Variants in AGBL1 observed in about 807,000 individuals in gnomAD.
AGBL1 encodes cytosolic carboxypeptidase 4.
Under a neutral mutation model 118.9 loss-of-function variants are expected in AGBL1, and 130 were observed. The observed-to-expected ratio is 1.09, with a 90% CI of 0.95 to 1.26. The LOEUF is 1.26. AGBL1 is among the 50% of genes most tolerant of loss of function. The pLI, the probability that AGBL1 is intolerant of heterozygous loss-of-function variation, is 0.00. For missense variants in AGBL1, 1,584 were observed against 1,298.1 expected, an observed-to-expected ratio of 1.22 and a Z score of -3.38; for synonymous variants, 555 against 478.9, an observed-to-expected ratio of 1.16 and a Z score of -2.08.
chr15:86,977,216 C>T (rs1225866360), intron 23 of AGBL1, among the ~76,000 whole-genome samples: 4 of 151,708 alleles, frequency 2.6e-5, no homozygotes, highest in Non-Finnish European at 4.4e-5. Flanking sequence ...TATAAAAATT[C>T]ATTTTTTCAT....
intron 22 of AGBL1, among the ~76,000 whole-genome samples, chr15:86,746,919 A>G (rs565611366): frequency 6.6e-6 from 1 of 152,184 alleles, no homozygotes; most frequent in South Asian, 2.1e-4. Context: ...AACTTTTTCA[A>G]TCATAGATTA....
chr15:86,803,160 A>G (rs2078673426), intron 22 of AGBL1, among the ~76,000 whole-genome samples: 1 of 152,106 alleles, frequency 6.6e-6, no homozygotes, highest in African/African-American at 2.4e-5. Flanking sequence ...GTCTCCGCTG[A>G]AATCTTATCT....
intron 18 of AGBL1, among the ~76,000 whole-genome samples, chr15:86,427,618 T>C (rs1166680860): frequency 6.6e-6 from 1 of 152,046 alleles, no homozygotes; most frequent in African/African-American, 2.4e-5. Context: ...AAGTTTTGAC[T>C]ATTTATAGTA....
chr15:86,776,338 T>C (rs2078254850), intron 22 of AGBL1, among the ~76,000 whole-genome samples: 1 of 152,116 alleles, frequency 6.6e-6, no homozygotes, highest in South Asian at 2.1e-4. Context: ...ATCCATGTAG[T>C]TGCCCTTTGA....
chr15:87,011,021 G>C (rs901522719), intron 24 of AGBL1, among the ~76,000 whole-genome samples: 7 of 152,164 alleles, frequency 4.6e-5, no homozygotes, highest in Admixed American at 3.3e-4. Context: ...TTCTCTTCTT[G>C]TTAAGTGCAG....
chr15:86,204,463 C>T (rs755615857), intron 5 of AGBL1, among the ~76,000 whole-genome samples: 2 of 151,398 alleles, frequency 1.3e-5, no homozygotes, highest in African/African-American at 4.9e-5. Context: ...TGCATTGATC[C>T]CTTCCCTTAC....
chr15:86,713,974 C>T (rs983283908), intron 22 of AGBL1, among the ~76,000 whole-genome samples: 13 of 152,210 alleles, frequency 8.5e-5, no homozygotes, highest in African/African-American at 2.4e-4. Flanking sequence ...TTTCCTTGAA[C>T]GCGCACACAA....
intron 17 of AGBL1, among the ~76,000 whole-genome samples, chr15:86,375,119 C>A (rs1403009858): frequency 6.6e-6 from 1 of 152,214 alleles, no homozygotes; most frequent in African/African-American, 2.4e-5. Context: ...GCCTATCTGA[C>A]CCCTGGTAAG....
At chr15:86,625,165 G>A (rs540568434) in intron 21 of AGBL1, among the ~76,000 whole-genome samples, 2 of 152,008 alleles carry the variant, frequency 1.3e-5, no homozygotes, top group African/African-American at 2.4e-5. Context: ...TTTTAGTGTC[G>A]GCTCTGCCTC....
At chr15:86,590,174 A>G (rs1044676453) in intron 21 of AGBL1, among the ~76,000 whole-genome samples, 1 of 152,170 alleles carries the variant, frequency 6.6e-6, no homozygotes, top group Non-Finnish European at 1.5e-5. Context: ...AATAGGTTGT[A>G]TTGGTAAAAC....
intron 22 of AGBL1, among the ~76,000 whole-genome samples, chr15:86,890,767 T>C (rs901906019): frequency 2.0e-5 from 3 of 152,198 alleles, no homozygotes; most frequent in Admixed American, 2.0e-4. Context: ...TTGGTACCAG[T>C]ACCATGCTGT....
At chr15:86,382,012 G>A (rs997412649) in intron 17 of AGBL1, among the ~76,000 whole-genome samples, 1 of 152,168 alleles carries the variant, frequency 6.6e-6, no homozygotes, top group Non-Finnish European at 1.5e-5. Flanking sequence ...GGAATGATGG[G>A]ACTTAGTAAC....
chr15:86,577,783 G>A (rs905766163), intron 21 of AGBL1, among the ~76,000 whole-genome samples: 1 of 152,210 alleles, frequency 6.6e-6, no homozygotes, highest in African/African-American at 2.4e-5. Context: ...CAAGCCCCAA[G>A]CCTTGGCAGC....
rs142678282 is a variant in AGBL1, at chr15:86,094,134, G to A, written c.51+14111G>A. 1.2e-3 allele frequency among the ~76,000 whole-genome samples: 181 copies of A among 152,116 alleles called. 1 individual carries two copies. The highest frequency in any genetic ancestry group is 3.4e-3 in the African/African-American group (143 of 41,514). ...TATTTGAATCTCTATATTTGCAGTC[G>A]TTACTTCAAAAATTAGAGCTAAATC... On this transcript the variant is annotated intron_variant, in intron 1 of 22. Coordinates refer to ENST00000614907, the MANE Select transcript of AGBL1 (RefSeq NM_001386094.1).
intron 6 of AGBL1, among the ~76,000 whole-genome samples, chr15:86,228,980 G>C (rs1027828450): frequency 6.6e-6 from 1 of 152,040 alleles, no homozygotes; most frequent in African/African-American, 2.4e-5. Flanking sequence ...CCTTGTATCA[G>C]TTCCCCTCTT....
At chr15:86,478,255 T>G (rs2082592435) in intron 18 of AGBL1, among the ~76,000 whole-genome samples, 3 of 152,030 alleles carry the variant, frequency 2.0e-5, no homozygotes, top group African/African-American at 7.2e-5. Flanking sequence ...GAGAAAGAAA[T>G]AAAGGGTATT....
At chr15:86,557,776 A>G (rs2083756023) in intron 21 of AGBL1, among the ~76,000 whole-genome samples, 1 of 152,112 alleles carries the variant, frequency 6.6e-6, no homozygotes, top group South Asian at 2.1e-4. Flanking sequence ...GTATAGTATA[A>G]AGTAGGTATT....
chr15:86,672,259 A>G (rs1021475794), intron 21 of AGBL1, among the ~76,000 whole-genome samples: 2 of 152,218 alleles, frequency 1.3e-5, no homozygotes, highest in Non-Finnish European at 2.9e-5. Context: ...ACTTGTTACA[A>G]TGACAACTAT....
chr15:86,564,282 C>T (rs2083877924), intron 21 of AGBL1, among the ~76,000 whole-genome samples: 1 of 152,158 alleles, frequency 6.6e-6, no homozygotes, highest in Non-Finnish European at 1.5e-5. Context: ...TTGTTCCTTT[C>T]CATGTTTAGT....
Sources: allele counts gnomAD v4.1 joint callset (sites outside exome capture counted in the v4.1 genomes callset), GRCh38; gene constraint gnomAD v4.1.1; transcripts MANE v1.5; gene names NCBI Gene and HGNC (gene_info 2026-07-23, HGNC 2026-07-21).